NALF1: variants seen among roughly 807,000 people sequenced by gnomAD.
NALF1 encodes the protein NALCN channel auxiliary factor 1, also known as family with sequence similarity 155 member A.
NALF1 carries 3 observed loss-of-function variants against 48.4 expected under a neutral mutation model. That is an observed-to-expected ratio of 0.06 (90% CI 0.03 to 0.16). NALF1 has a LOEUF of 0.16. Ranked by LOEUF, NALF1 falls within the 10% of genes least tolerant of loss-of-function variation. The pLI, the probability that NALF1 is intolerant of heterozygous loss-of-function variation, is 1.00. For synonymous variants in NALF1, 262 were observed against 245.7 expected (o/e 1.07, Z -0.62); for missense variants, 526 against 571.5 (o/e 0.92, Z 0.81).
chr13:107,718,299 G>C (rs1300713838), intron 1 of NALF1, among the ~76,000 whole-genome samples: 3 of 152,124 alleles, frequency 2.0e-5, no homozygotes, highest in Non-Finnish European at 4.4e-5. Flanking sequence ...GGACTTACGG[G>C]GAGTAGTCCC....
intron 1 of NALF1, among the ~76,000 whole-genome samples, chr13:107,838,260 CCCAACTCCAT>C (rs1247999184): frequency 6.6e-6 from 1 of 152,168 alleles, no homozygotes; most frequent in African/African-American, 2.4e-5. Context: ...CACCCTCAGA[CCCAACTCCAT>C]CCTATGAATC....
intron 2 of NALF1, among the ~76,000 whole-genome samples, chr13:107,198,602 T>G (rs1420946587): frequency 1.3e-5 from 2 of 152,214 alleles, no homozygotes; most frequent in African/African-American, 4.8e-5. Context: ...TAACATTGAA[T>G]ATGTCTGTTT....
intron 1 of NALF1, among the ~76,000 whole-genome samples, chr13:107,280,693 T>C (rs1333832759): frequency 6.6e-6 from 1 of 152,206 alleles, no homozygotes; most frequent in African/African-American, 2.4e-5. Flanking sequence ...AGTCTTTCTA[T>C]TCCGAATTGC....
intron 1 of NALF1, among the ~76,000 whole-genome samples, chr13:107,863,586 T>C (rs1275439304): frequency 3.3e-5 from 5 of 152,208 alleles, no homozygotes. Context: ...TGTCTGCATT[T>C]ACTTATCAAG....
intron 1 of NALF1, among the ~76,000 whole-genome samples, chr13:107,736,635 T>C (rs1876476318): frequency 6.6e-6 from 1 of 152,158 alleles, no homozygotes; most frequent in South Asian, 2.1e-4. Context: ...AGCATTCAAA[T>C]GTTTGGGGGT....
intron 1 of NALF1, among the ~76,000 whole-genome samples, chr13:107,365,440 C>G (rs896611491): frequency 6.6e-6 from 1 of 152,134 alleles, no homozygotes; most frequent in Admixed American, 6.5e-5. Context: ...ATACACATCT[C>G]TCAGTTCAGT....
intron 1 of NALF1, among the ~76,000 whole-genome samples, chr13:107,334,663 T>A (rs1009177739): frequency 1.3e-5 from 2 of 152,218 alleles, no homozygotes; most frequent in African/African-American, 2.4e-5. Context: ...GCTAAGACTT[T>A]TTAAAAAACC....
intron 1 of NALF1, among the ~76,000 whole-genome samples, chr13:107,264,343 C>G (rs936098300): frequency 1.3e-5 from 2 of 152,130 alleles, no homozygotes; most frequent in African/African-American, 4.8e-5. Flanking sequence ...ACTGAATTAA[C>G]TAACTTCTAT....
intron 1 of NALF1, among the ~76,000 whole-genome samples, chr13:107,822,859 GGTCA>G (rs1366356638): frequency 2.0e-5 from 3 of 152,180 alleles, no homozygotes; most frequent in Non-Finnish European, 2.9e-5. Context: ...AGATTGAAAT[GGTCA>G]GTTAAGCTGC....
At position 107,303,066 on chromosome 13, in the gene NALF1, G is replaced by A. The variant is rs543213555; in HGVS notation, c.916-92311C>T. Among the ~76,000 whole-genome samples, 8 of 152,230 alleles carry A rather than the reference G, an allele frequency of 5.3e-5. No homozygotes were observed. In the South Asian group the frequency reaches 1.5e-3, roughly 28 times the overall value. ...TCTATTTTATTTTTTGTTGTTGTTT[G>A]ATTTTGTTACAGCTATCCTGGTGGG... is the stretch of plus-strand genomic sequence containing the variant. On this transcript the variant is annotated intron_variant, in intron 1 of 2. Transcript: ENST00000375915.
intron 1 of NALF1, among the ~76,000 whole-genome samples, chr13:107,448,836 T>A (rs1323802230): frequency 2.6e-4 from 39 of 152,184 alleles, no homozygotes; most frequent in Admixed American, 2.5e-3. Flanking sequence ...ATGGTTTATG[T>A]AGGTACCACT....
intron 1 of NALF1, among the ~76,000 whole-genome samples, chr13:107,704,971 T>TGG (rs1881911909): frequency 6.6e-6 from 1 of 152,204 alleles, no homozygotes; most frequent in African/African-American, 2.4e-5. Context: ...GCCTGGCCTA[T>TGG]ATAACTTATG....
chr13:107,676,607 A>ATTTAATTAATTAAATTAAATTAATTTAAT (rs549307035), intron 1 of NALF1, among the ~76,000 whole-genome samples: 2 of 40,338 alleles, frequency 5.0e-5, no homozygotes, highest in East Asian at 2.8e-4. Flanking sequence ...ATTTAATTTA[A>ATTTAATTAATTAAATTAAATTAATTTAAT]TTAATTTAAT....
At chr13:107,382,424 T>G (rs749342723) in intron 1 of NALF1, among the ~76,000 whole-genome samples, 5 of 152,252 alleles carry the variant, frequency 3.3e-5, no homozygotes, top group Non-Finnish European at 5.9e-5. Flanking sequence ...CTTAATTTTT[T>G]CTACTTTATA....
intron 1 of NALF1, among the ~76,000 whole-genome samples, chr13:107,436,166 T>A (rs1884461310): frequency 1.3e-5 from 2 of 152,332 alleles, no homozygotes; most frequent in Admixed American, 1.3e-4. Flanking sequence ...AAAACATTTT[T>A]AAATAACTGC....
chr13:107,599,750 TA>T (rs1878870126), intron 1 of NALF1, among the ~76,000 whole-genome samples: 1 of 152,166 alleles, frequency 6.6e-6, no homozygotes, highest in African/African-American at 2.4e-5. Flanking sequence ...GATAAGAAGC[TA>T]AAAATATTAA....
At chr13:107,174,132 T>G (rs1334000374) in intron 2 of NALF1, among the ~76,000 whole-genome samples, 6 of 152,226 alleles carry the variant, frequency 3.9e-5, no homozygotes, top group African/African-American at 1.4e-4. Context: ...TTGTGTTTCA[T>G]TCCCTCCCTG....
chr13:107,361,718 G>A (rs544852882), intron 1 of NALF1, among the ~76,000 whole-genome samples: 2 of 152,206 alleles, frequency 1.3e-5, no homozygotes, highest in South Asian at 2.1e-4. Flanking sequence ...TAAATCACAC[G>A]GTAACCAAAT....
At chr13:107,424,036 T>TACC (rs1884236994) in intron 1 of NALF1, among the ~76,000 whole-genome samples, 1 of 152,154 alleles carries the variant, frequency 6.6e-6, no homozygotes, top group East Asian at 1.9e-4. Context: ...AAGCAATTAC[T>TACC]ACCGGGATGT....
Sources: gnomAD v4.1 joint callset for allele counts (sites outside exome capture counted in the v4.1 genomes callset) on GRCh38, gnomAD v4.1.1 for gene constraint, MANE v1.5 for transcripts, NCBI Gene and HGNC (gene_info 2026-07-23, HGNC 2026-07-21) for gene names.